Variants in RAB27B observed in about 807,000 individuals in gnomAD.
The protein encoded by RAB27B is RAB27B, member RAS oncogene family, also known as ras-related protein Rab-27B.
In RAB27B, 15 loss-of-function variants were observed where a neutral mutation model predicts 24.6. The observed-to-expected ratio is 0.61, with a 90% CI of 0.41 to 0.94. RAB27B has a LOEUF of 0.94. Among genes scored for constraint, RAB27B ranks in the 40% least tolerant of loss-of-function variants. RAB27B has a pLI of 0.00. For missense variants in RAB27B, 261 were observed against 266.8 expected (o/e 0.98, Z 0.15); for synonymous variants, 105 against 92.5 (o/e 1.14, Z -0.78).
intron 2 of RAB27B, among the ~76,000 whole-genome samples, chr18:54,789,588 T>C (rs1199238960): frequency 6.6e-6 from 1 of 152,128 alleles, no homozygotes; most frequent in African/African-American, 2.4e-5. Flanking sequence ...TTCTTTTTTC[T>C]GTCTTCCAAC....
intron 2 of RAB27B, among the ~76,000 whole-genome samples, chr18:54,817,240 C>T (rs1052523899): frequency 2.0e-5 from 3 of 152,122 alleles, no homozygotes; most frequent in Non-Finnish European, 4.4e-5. Flanking sequence ...CTTTTATCAG[C>T]AGAATGAGTT....
At chr18:54,857,833 T>G (rs1420152058) in intron 1 of RAB27B, among the ~76,000 whole-genome samples, 1 of 152,240 alleles carries the variant, frequency 6.6e-6, no homozygotes, top group Non-Finnish European at 1.5e-5. Flanking sequence ...TGTTGCAGCT[T>G]GCATCCTTAT....
chr18:54,795,210 C>A (rs775704177), intron 2 of RAB27B, among the ~76,000 whole-genome samples: 7 of 152,184 alleles, frequency 4.6e-5, no homozygotes, highest in Non-Finnish European at 5.9e-5. Context: ...TGAGCCCCCC[C>A]ACACCCGCCC....
chr18:54,811,047 A>C (rs950114694), intron 2 of RAB27B, among the ~76,000 whole-genome samples: 2 of 151,992 alleles, frequency 1.3e-5, no homozygotes, highest in Non-Finnish European at 2.9e-5. Flanking sequence ...ATTTCCTATG[A>C]AAAAATATAG....
At position 54,875,583 on chromosome 18, in the gene RAB27B, A is replaced by G. The variant is rs144997563; in HGVS notation, c.-19-1984A>G. Among the ~76,000 whole-genome samples, 744 of 151,592 alleles carry G rather than the reference A, an allele frequency of 4.9e-3. 8 individuals carry two copies. The highest frequency in any genetic ancestry group is 0.016 in the African/African-American group (644 of 41,254). On this transcript the variant is annotated intron_variant, in intron 1 of 5. Transcript: ENST00000262094. ...GAACATCCATGGTCAGCAAAAATCCATCCAGAGAGCTCTGCTAGTGAAGAA... is the reference window on the plus strand; with the variant it reads ...GAACATCCATGGTCAGCAAAAATCCGTCCAGAGAGCTCTGCTAGTGAAGAA...
chr18:54,725,499 CT>C (rs1185702242), intron 2 of RAB27B, among the ~76,000 whole-genome samples: 2 of 151,452 alleles, frequency 1.3e-5, no homozygotes, highest in African/African-American at 4.8e-5. Context: ...TGTTTGTTGC[CT>C]GTATTAGTGC....
Position 54,802,320 on chromosome 18 carries a change from T to C in RAB27B, c.-19-75247T>C, listed in dbSNP as rs114426245. On this transcript the variant is annotated intron_variant, in intron 2 of 4. Coordinates refer to the RAB27B transcript ENST00000586570. Reference sequence around the variant, plus strand: ...TCCTTTGTTCCTTTGCTTTGGACAATTGAAGTTAGCCAGTGCTTGGGGTAC... The same window carrying C: ...TCCTTTGTTCCTTTGCTTTGGACAACTGAAGTTAGCCAGTGCTTGGGGTAC... 9.5e-3 allele frequency among the ~76,000 whole-genome samples: 1,453 copies of C among 152,290 alleles called. 25 individuals carry two copies. The highest frequency in any genetic ancestry group is 0.032 in the African/African-American group (1,340 of 41,556).
chr18:54,744,297 TAAAG>T (rs1447402277), intron 2 of RAB27B, among the ~76,000 whole-genome samples: 4 of 152,200 alleles, frequency 2.6e-5, no homozygotes, highest in African/African-American at 4.8e-5. Context: ...CAAAATGTGA[TAAAG>T]AAATCTTCTA....
intron 2 of RAB27B, among the ~76,000 whole-genome samples, chr18:54,766,084 C>T (rs941694126): frequency 2.0e-5 from 3 of 152,152 alleles, no homozygotes; most frequent in Non-Finnish European, 2.9e-5. Flanking sequence ...AACAATCACA[C>T]GTCCAGAATT....
rs750675245 is a variant in RAB27B at position 54,889,428 on chromosome 18, C to T, written c.*15C>T. ...GTATCTGCTAGACTCTACATAGAAA[C>T]TGAACATCAAGAACCCCACCAAAAT... On this transcript the variant is annotated 3_prime_UTR_variant, in exon 6 of 6. Coordinates refer to ENST00000262094, the MANE Select transcript of RAB27B (RefSeq NM_004163.4). 1.3e-6 allele frequency: 2 copies of T among 1,590,308 alleles called. No individual in the cohort carries two copies. Among genetic ancestry groups the T allele is most frequent in the South Asian group, 2.3e-5 (2 of 86,172 alleles).
chr18:54,827,132 A>G (rs536160019), upstream of RAB27B, among the ~76,000 whole-genome samples: 1 of 152,368 alleles, frequency 6.6e-6, no homozygotes, highest in East Asian at 1.9e-4. Flanking sequence ...TCATAAATAT[A>G]GATTCCAAGC....
intron 2 of RAB27B, among the ~76,000 whole-genome samples, chr18:54,763,704 A>G (rs1290038502): frequency 6.6e-6 from 1 of 152,126 alleles, no homozygotes; most frequent in Non-Finnish European, 1.5e-5. Context: ...GTATTTGAAA[A>G]ACTTTATGAC....
intron 1 of RAB27B, among the ~76,000 whole-genome samples, chr18:54,860,435 C>T (rs986760194): frequency 4.6e-5 from 7 of 152,146 alleles, no homozygotes; most frequent in South Asian, 2.1e-4. Context: ...ACCTCCAGAA[C>T]CACCACTCTC....
chr18:54,733,855 G>A (rs11151896), intron 2 of RAB27B, among the ~76,000 whole-genome samples: 15,946 of 150,810 alleles, frequency 0.11, 1,372 homozygotes, highest in African/African-American at 0.23. Context: ...TGATTTAGGC[G>A]GTTAAGTTCT....
At chr18:54,883,595 G>A (rs1419948723) in intron 3 of RAB27B, among the ~76,000 whole-genome samples, 1 of 152,006 alleles carries the variant, frequency 6.6e-6, no homozygotes, top group Non-Finnish European at 1.5e-5. Flanking sequence ...TGGGGTCGGG[G>A]GTGAGGGCAT....
At chr18:54,857,297 C>T (rs1228132646) in intron 1 of RAB27B, among the ~76,000 whole-genome samples, 1 of 152,174 alleles carries the variant, frequency 6.6e-6, no homozygotes, top group Non-Finnish European at 1.5e-5. Context: ...CCTCTGTTCT[C>T]TTCTGCCCAT....
At position 54,817,317 on chromosome 18, in the gene RAB27B, C is replaced by T. The variant is rs1019334006; in HGVS notation, c.-19-60250C>T. Among the ~76,000 whole-genome samples the T allele has an allele frequency of 5.3e-5, 8 of 152,134 alleles. No individual in the cohort carries two copies. The East Asian group carries it at 5.8e-4, about 11-fold the overall frequency. ...AATTTATCACGTATCTTTGGCAGAA[C>T]TTGGAGTAAAACCCAAGGCTTTAGA... On this transcript the variant is annotated intron_variant, in intron 2 of 4. Coordinates refer to the RAB27B transcript ENST00000586570.
intron 2 of RAB27B, among the ~76,000 whole-genome samples, chr18:54,801,188 C>A (rs911639251): frequency 1.3e-5 from 2 of 151,216 alleles, no homozygotes; most frequent in Non-Finnish European, 3.0e-5. Context: ...AATTTTTGTA[C>A]TTTTAGTAGA....
intron 2 of RAB27B, among the ~76,000 whole-genome samples, chr18:54,739,590 C>T (rs1910014096): frequency 6.8e-6 from 1 of 146,980 alleles, no homozygotes; most frequent in Non-Finnish European, 1.5e-5. Context: ...GTTGCTATGA[C>T]CTTTGATCTT....
Sources: gnomAD v4.1 joint callset for allele counts (sites outside exome capture counted in the v4.1 genomes callset) on GRCh38, gnomAD v4.1.1 for gene constraint, MANE v1.5 for transcripts, NCBI Gene and HGNC (gene_info 2026-07-23, HGNC 2026-07-21) for gene names.